CNTNAP2: variants seen among roughly 807,000 people sequenced by gnomAD.
CNTNAP2 encodes contactin-associated protein-like 2.
A neutral mutation model predicts 155.2 loss-of-function variants in CNTNAP2; 98 were observed. The ratio of observed to expected loss-of-function variants is 0.63; its 90% CI spans 0.54 to 0.75. The LOEUF (loss-of-function observed/expected upper bound fraction) is 0.75. CNTNAP2 is among the 30% of genes least tolerant of loss of function. CNTNAP2 has a pLI of 0.00. For synonymous variants in CNTNAP2, 651 were observed against 631.2 expected (o/e 1.03, Z -0.47); for missense variants, 1,727 against 1,688.1 (o/e 1.02, Z -0.40).
intron 21 of CNTNAP2, among the ~76,000 whole-genome samples, chr7:148,329,763 T>A (rs1457622693): frequency 1.3e-5 from 2 of 152,218 alleles, no homozygotes; most frequent in Non-Finnish European, 2.9e-5. Context: ...TTGATTTTAA[T>A]GACAGGGACG....
intron 13 of CNTNAP2, among the ~76,000 whole-genome samples, chr7:147,777,972 C>T (rs894568245): frequency 1.3e-4 from 20 of 152,198 alleles, no homozygotes; most frequent in Non-Finnish European, 1.2e-4. Flanking sequence ...ACACATCTTT[C>T]TCCTCCTGCC....
At chr7:148,033,362 TA>T (rs33962047) in intron 15 of CNTNAP2, among the ~76,000 whole-genome samples, 64,504 of 146,112 alleles carry the variant, frequency 0.44, 15,023 homozygotes, top group East Asian at 0.83. Context: ...TTATTTCTTC[TA>T]AAAAAAAAAA....
intron 21 of CNTNAP2, among the ~76,000 whole-genome samples, chr7:148,285,036 G>T (rs566577528): frequency 1.3e-5 from 2 of 152,286 alleles, no homozygotes; most frequent in African/African-American, 4.8e-5. Flanking sequence ...TTGCATGAAA[G>T]AATTATTCAC....
intron 4 of CNTNAP2, among the ~76,000 whole-genome samples, chr7:147,046,464 A>G (rs1021023863): frequency 2.8e-4 from 43 of 152,132 alleles, no homozygotes; most frequent in Admixed American, 1.1e-3. Flanking sequence ...TTTCCTCAGT[A>G]TTATTCTATC....
intron 1 of CNTNAP2, among the ~76,000 whole-genome samples, chr7:146,412,501 G>A (rs1320631455): frequency 1.3e-5 from 2 of 152,140 alleles, no homozygotes; most frequent in Non-Finnish European, 2.9e-5. Flanking sequence ...TTTCTTCAGG[G>A]CACATATGTG....
At chr7:146,379,561 A>G (rs1185627475) in intron 1 of CNTNAP2, among the ~76,000 whole-genome samples, 2 of 152,172 alleles carry the variant, frequency 1.3e-5, no homozygotes, top group Admixed American at 6.5e-5. Flanking sequence ...GAATTTGGCA[A>G]TAGGTAACGC....
chr7:146,156,115 T>C (rs1170625820), intron 1 of CNTNAP2, among the ~76,000 whole-genome samples: 1 of 152,186 alleles, frequency 6.6e-6, no homozygotes, highest in Non-Finnish European at 1.5e-5. Flanking sequence ...GTCTGGAACA[T>C]AATTATATTT....
At chr7:146,856,289 G>T (rs62481429) in intron 3 of CNTNAP2, among the ~76,000 whole-genome samples, 1 of 64,406 alleles carries the variant, frequency 1.6e-5, no homozygotes, top group African/African-American at 8.9e-5. Flanking sequence ...TAGATAGATA[G>T]ATAGATAGAT....
chr7:147,111,521 A>G (rs111903296), intron 5 of CNTNAP2, among the ~76,000 whole-genome samples: 5,130 of 152,224 alleles, frequency 0.034, 263 homozygotes, highest in African/African-American at 0.11. Flanking sequence ...AAAGTCTTTA[A>G]TTCATTTTGA....
At chr7:148,250,528 G>A (rs1796345371) in intron 20 of CNTNAP2, among the ~76,000 whole-genome samples, 1 of 152,140 alleles carries the variant, frequency 6.6e-6, no homozygotes, top group Non-Finnish European at 1.5e-5. Context: ...CTTCCCACAC[G>A]ATGCACTCGG....
intron 11 of CNTNAP2, among the ~76,000 whole-genome samples, chr7:147,549,907 CT>C (rs1466360058): frequency 6.6e-6 from 1 of 152,118 alleles, no homozygotes; most frequent in Admixed American, 6.5e-5. Context: ...GTTGCACATG[CT>C]GTATAAAGCA....
chr7:146,521,980 A>T (rs1797622745), intron 1 of CNTNAP2, among the ~76,000 whole-genome samples: 1 of 152,072 alleles, frequency 6.6e-6, no homozygotes. Context: ...TGTTTTTAGT[A>T]ATAAGAGTAA....
At chr7:147,393,064 A>G (rs141496583) in intron 9 of CNTNAP2, among the ~76,000 whole-genome samples, 8 of 152,158 alleles carry the variant, frequency 5.3e-5, no homozygotes, top group Non-Finnish European at 1.0e-4. Context: ...TCAGAGACCA[A>G]GTTGCAGAGT....
chr7:146,602,246 T>A (rs1180303554), intron 1 of CNTNAP2, among the ~76,000 whole-genome samples: 2 of 151,978 alleles, frequency 1.3e-5, no homozygotes, highest in Non-Finnish European at 2.9e-5. Context: ...TAAGGATGAG[T>A]TTTTGGCGGC....
chr7:147,038,110 T>C (rs1799191167), intron 3 of CNTNAP2, among the ~76,000 whole-genome samples: 1 of 152,170 alleles, frequency 6.6e-6, no homozygotes, highest in Non-Finnish European at 1.5e-5. Flanking sequence ...TAGCTATGAC[T>C]GTGCCACTGT....
intron 21 of CNTNAP2, among the ~76,000 whole-genome samples, chr7:148,285,031 T>C (rs1797056144): frequency 6.6e-6 from 1 of 152,218 alleles, no homozygotes; most frequent in Non-Finnish European, 1.5e-5. Context: ...AATGTTTGCA[T>C]GAAAGAATTA....
chr7:147,838,496 AC>A (rs1447215819), intron 13 of CNTNAP2, among the ~76,000 whole-genome samples: 1 of 152,012 alleles, frequency 6.6e-6, no homozygotes, highest in Non-Finnish European at 1.5e-5. Context: ...CACCCAAGTC[AC>A]CTCTTCAATG....
chr7:146,467,224 C>A (rs1796729117), intron 1 of CNTNAP2, among the ~76,000 whole-genome samples: 1 of 152,106 alleles, frequency 6.6e-6, no homozygotes, highest in South Asian at 2.1e-4. Context: ...TTACTACCAT[C>A]TGGTCTTCTA....
chr7:147,735,807 G>A (rs554005608), intron 13 of CNTNAP2, among the ~76,000 whole-genome samples: 17 of 151,786 alleles, frequency 1.1e-4, no homozygotes, highest in Admixed American at 8.5e-4. Context: ...GATCTTTGTT[G>A]GTTTAAAGTT....
Sources: gnomAD v4.1 joint callset for allele counts (sites outside exome capture counted in the v4.1 genomes callset) on GRCh38, gnomAD v4.1.1 for gene constraint, MANE v1.5 for transcripts, NCBI Gene and HGNC (gene_info 2026-07-23, HGNC 2026-07-21) for gene names.